Variants in NDST3 observed in about 807,000 individuals in gnomAD.
NDST3 encodes bifunctional heparan sulfate N-deacetylase/N-sulfotransferase 3.
A neutral mutation model predicts 96.1 loss-of-function variants in NDST3; 58 were observed. The ratio of observed to expected loss-of-function variants is 0.60; its 90% confidence interval spans 0.49 to 0.75. The LOEUF is 0.75. Among genes scored for constraint, NDST3 ranks in the 30% least tolerant of loss-of-function variants. NDST3 has a pLI of 0.00. For missense variants in NDST3, 788 were observed against 1,034.2 expected (o/e 0.76, Z 3.27); for synonymous variants, 333 against 359.7 (o/e 0.93, Z 0.84).
Position 118,143,415 on chromosome 4 carries a change from G to C in NDST3, c.1411-141G>C, listed in dbSNP as rs926091611. On this transcript the variant is annotated intron_variant, in intron 5 of 13. Coordinates refer to ENST00000296499, the MANE Select transcript of NDST3 (RefSeq NM_004784.3). ...TTAACATCACCTTCCCTTGCCTAGA[G>C]TATGATAGATTGTCCAGGCCCTGGT... is the stretch of plus-strand genomic sequence containing the variant. 7.6e-5 allele frequency: 56 copies of C among 741,200 alleles called. No homozygotes were observed. In the East Asian group the frequency reaches 1.7e-3, roughly 23 times the overall value. The allele number at this position is 741,200 out of a possible 1,614,324, so 45.9% of individuals were successfully genotyped here. A position where few individuals can be genotyped will look rare whatever the true frequency, so the allele number is the denominator to read the frequency against.
At chr4:118,184,508 A>C (rs1465912814) in intron 6 of NDST3, among the ~76,000 whole-genome samples, 2 of 151,596 alleles carry the variant, frequency 1.3e-5, no homozygotes, top group African/African-American at 4.8e-5. Flanking sequence ...GGGCTTACCA[A>C]GTCTCTATAG....
intron 2 of NDST3, among the ~76,000 whole-genome samples, chr4:118,088,107 TG>T (rs1728580151): frequency 6.6e-6 from 1 of 152,012 alleles, no homozygotes; most frequent in Non-Finnish European, 1.5e-5. Context: ...TTTTGTGAAA[TG>T]CCAGTCAAGT....
At chr4:118,217,760 A>C (rs1739282587) in intron 6 of NDST3, among the ~76,000 whole-genome samples, 1 of 152,088 alleles carries the variant, frequency 6.6e-6, no homozygotes, top group Non-Finnish European at 1.5e-5. Context: ...TAGAGAACTC[A>C]TAAGTTAACA....
rs1020095646 is a variant in NDST3, at chr4:118,256,393, C to T, written c.*681C>T. ...AAAATTACTAACTCTTCCATCACAA[C>T]GTAATTGTTATACTGAAATATATAC... On this transcript the variant is annotated 3_prime_UTR_variant, in exon 14 of 14. Transcript: ENST00000296499. 2 of 152,124 alleles carry T rather than the reference C, an allele frequency of 1.3e-5. No individual in the cohort carries two copies. Among genetic ancestry groups the T allele is most frequent in the African/African-American group, 2.4e-5 (1 of 41,414 alleles). 9.4% of individuals were successfully genotyped at this position (152,124 alleles called of 1,614,324 possible).
At chr4:118,232,241 T>C (rs75240960) in intron 8 of NDST3, among the ~76,000 whole-genome samples, 5,027 of 152,290 alleles carry the variant, frequency 0.033, 114 homozygotes, top group African/African-American at 0.064. Flanking sequence ...TTCATTTATA[T>C]AGTGCCTTAT....
intron 6 of NDST3, among the ~76,000 whole-genome samples, chr4:118,152,138 G>A (rs13123722): frequency 0.51 from 78,073 of 152,024 alleles, 24,102 homozygotes; most frequent in East Asian, 0.74. Flanking sequence ...AAGGAAATCC[G>A]AGTCCTCGTA....
intron 3 of NDST3, among the ~76,000 whole-genome samples, chr4:118,108,029 T>C (rs993720421): frequency 2.6e-5 from 4 of 152,194 alleles, no homozygotes; most frequent in Admixed American, 2.6e-4. Flanking sequence ...AAGGGGTGTC[T>C]TACATGGCAG....
At chr4:118,145,200 T>C (rs1733853673) in intron 6 of NDST3, among the ~76,000 whole-genome samples, 1 of 152,204 alleles carries the variant, frequency 6.6e-6, no homozygotes, top group African/African-American at 2.4e-5. Context: ...GCCAGTACAG[T>C]AATATACAGT....
chr4:118,139,988 A>T (rs1378137126), intron 5 of NDST3, among the ~76,000 whole-genome samples: 1 of 152,058 alleles, frequency 6.6e-6, no homozygotes, highest in Admixed American at 6.6e-5. Context: ...ATCTTTCTAA[A>T]ATGCTGCCTT....
chr4:118,107,091 AAATAAT>A (rs148548944), intron 3 of NDST3, among the ~76,000 whole-genome samples: 11 of 145,334 alleles, frequency 7.6e-5, no homozygotes, highest in South Asian at 2.2e-4. Context: ...CTCCATCTCA[AAATAAT>A]AATAATAATA....
intron 13 of NDST3, among the ~76,000 whole-genome samples, chr4:118,254,117 C>A (rs1247143625): frequency 6.6e-6 from 1 of 151,966 alleles, no homozygotes; most frequent in African/African-American, 2.4e-5. Context: ...TGGTGGCAGG[C>A]ACCTGTAATC....
chr4:118,055,360 T>C (rs539012176), intron 2 of NDST3: 2 of 183,910 alleles, frequency 1.1e-5, no homozygotes, highest in African/African-American at 2.4e-5. Flanking sequence ...TTTTCTCTTA[T>C]CATATTTTTC....
intron 1 of NDST3, among the ~76,000 whole-genome samples, chr4:118,043,913 C>T (rs757200355): frequency 1.6e-4 from 24 of 152,194 alleles, no homozygotes; most frequent in Non-Finnish European, 3.1e-4. Flanking sequence ...GGGACGTGCA[C>T]TGGAATTTTT....
intron 8 of NDST3, among the ~76,000 whole-genome samples, 153 bp downstream of exon 8, chr4:118,227,135 T>C (rs891257014): frequency 5.3e-5 from 8 of 152,160 alleles, no homozygotes; most frequent in African/African-American, 1.7e-4. Flanking sequence ...CCCAGTAATA[T>C]ACCTAAATGC....
intron 6 of NDST3, among the ~76,000 whole-genome samples, chr4:118,185,131 A>G (rs1736861052): frequency 6.6e-6 from 1 of 152,230 alleles, no homozygotes; most frequent in African/African-American, 2.4e-5. Flanking sequence ...ATGTTAAAAT[A>G]TAATTGAAAT....
chr4:118,081,084 A>G (rs1160220501), intron 2 of NDST3, among the ~76,000 whole-genome samples: 3 of 152,192 alleles, frequency 2.0e-5, no homozygotes, highest in Non-Finnish European at 4.4e-5. Context: ...AACCCATCTC[A>G]TCTTTAAAAT....
Position 118,114,961 on chromosome 4 carries a change from G to GT in NDST3, c.1224+2dup, listed in dbSNP as rs769427130. 1 of 1,613,922 alleles carries GT rather than the reference G, an allele frequency of 6.2e-7. No individual in the cohort carries two copies. The highest frequency in any genetic ancestry group is 2.2e-5 in the East Asian group (1 of 44,862). ...GATTCTCAACAAAAAATTTGCCTTA[G>GT]TAAGTAACTCACTTTGTTGCATTGA... On this transcript the variant is annotated splice_donor_variant, in intron 4 of 13. Coordinates refer to ENST00000296499, the MANE Select transcript of NDST3 (RefSeq NM_004784.3). LOFTEE classifies it high-confidence loss of function.
At chr4:118,215,417 T>C (rs372865337) in intron 6 of NDST3, among the ~76,000 whole-genome samples, 1 of 152,210 alleles carries the variant, frequency 6.6e-6, no homozygotes. Context: ...TGCTTACCTT[T>C]TGGAAGGCAT....
intron 8 of NDST3, among the ~76,000 whole-genome samples, chr4:118,231,554 A>G (rs1029280359): frequency 6.6e-6 from 1 of 151,956 alleles, no homozygotes; most frequent in Admixed American, 6.6e-5. Flanking sequence ...ACAAATGGCA[A>G]CATGACATAA....
Sources: gnomAD v4.1 joint callset for allele counts (sites outside exome capture counted in the v4.1 genomes callset) on GRCh38, gnomAD v4.1.1 for gene constraint, MANE v1.5 for transcripts, NCBI Gene and HGNC (gene_info 2026-07-23, HGNC 2026-07-21) for gene names.